DPYD: variants seen among roughly 807,000 people sequenced by gnomAD.
The protein encoded by DPYD is dihydropyrimidine dehydrogenase [NADP(+)].
Under a neutral mutation model 116.2 loss-of-function variants are expected in DPYD, and 109 were observed. The observed-to-expected ratio is 0.94, with a 90% confidence interval of 0.80 to 1.10. The LOEUF is 1.10. Among genes scored for constraint, DPYD ranks in the 50% least tolerant of loss-of-function variants. The probability of loss-of-function intolerance (pLI) is 0.00; values close to 1 mark genes in which losing one functional copy is unlikely to be tolerated. For synonymous variants in DPYD, 440 were observed against 432.0 expected (o/e 1.02, Z -0.23); for missense variants, 1,302 against 1,254.5 (o/e 1.04, Z -0.57).
chr1:97,269,696 A>AG (rs1664452325), intron 18 of DPYD, among the ~76,000 whole-genome samples: 1 of 152,118 alleles, frequency 6.6e-6, no homozygotes, highest in Non-Finnish European at 1.5e-5. Context: ...CACATGGTAG[A>AG]GAGAGAGCTC....
At chr1:97,470,391 G>C in intron 13 of DPYD, among the ~76,000 whole-genome samples, 1 of 151,784 alleles carries the variant, frequency 6.6e-6, no homozygotes, top group East Asian at 1.9e-4. Context: ...GTTTGGATAA[G>C]GTAAAATAAA....
chr1:97,128,546 C>A (rs1290743155), intron 20 of DPYD, among the ~76,000 whole-genome samples: 2 of 152,162 alleles, frequency 1.3e-5, no homozygotes, highest in Non-Finnish European at 2.9e-5. Context: ...TAAAACTTTA[C>A]AGCCCTTTTC....
At position 97,614,988 on chromosome 1, in the gene DPYD, T is replaced by G. The variant is rs369103309; in HGVS notation, c.851-19822A>C. Among the ~76,000 whole-genome samples the G allele has an allele frequency of 2.0e-5, 3 of 152,230 alleles. No individual in the cohort carries two copies. In the South Asian group the frequency reaches 6.2e-4, roughly 32 times the overall value. On this transcript the variant is annotated intron_variant, in intron 8 of 22. Coordinates refer to ENST00000370192, the MANE Select transcript of DPYD (RefSeq NM_000110.4). ...TTTTAAAATCCAGGGCAATATCTAG[T>G]TTTTCATATATGCCTAAAAGATCTA...
chr1:97,256,280 T>C (rs1663456972), intron 18 of DPYD, among the ~76,000 whole-genome samples: 1 of 152,130 alleles, frequency 6.6e-6, no homozygotes, highest in South Asian at 2.1e-4. Context: ...CAAGCTTCTC[T>C]CTCCCTCCCT....
chr1:97,534,961 A>G lies in DPYD; in HGVS notation c.1524+14599T>C, dbSNP rs528577984. Among the ~76,000 whole-genome samples, 58 of 152,250 alleles carry G rather than the reference A, an allele frequency of 3.8e-4. 3 individuals carry two copies. Among genetic ancestry groups the G allele is most frequent in the African/African-American group, 1.4e-3 (57 of 41,576 alleles). On this transcript the variant is annotated intron_variant, in intron 12 of 22. Coordinates refer to ENST00000370192, the MANE Select transcript of DPYD (RefSeq NM_000110.4). ...ATGAATGAAAATGATGAGGTTCAAG[A>G]TAACGTATTGGAGATTTTAAAAGTT...
intron 19 of DPYD, among the ~76,000 whole-genome samples, chr1:97,207,106 C>A (rs1659694061): frequency 6.6e-6 from 1 of 151,994 alleles, no homozygotes. Flanking sequence ...CTTTGCCTGG[C>A]ATATGACTTA....
intron 13 of DPYD, among the ~76,000 whole-genome samples, chr1:97,460,823 G>A (rs55935102): frequency 9.3e-4 from 141 of 152,160 alleles, no homozygotes; most frequent in Non-Finnish European, 1.6e-3. Flanking sequence ...CGGATCACCC[G>A]AGGTCGGGAG....
At chr1:97,406,289 T>A (rs201629458) in intron 14 of DPYD, among the ~76,000 whole-genome samples, 12,269 of 143,902 alleles carry the variant, frequency 0.085, 702 homozygotes, top group East Asian at 0.23. Context: ...TTTTTTTTTT[T>A]AAAATTATTA....
rs1038054519 is a variant in DPYD at position 97,120,015 on chromosome 1, A to T, written c.2623-21383T>A. ...GATGGTCAGTGCCTGCCCTCTGCAG[A>T]GGGAGAGGCAGGGTTGGCTCCAAGT... On this transcript the variant is annotated intron_variant, in intron 20 of 22. Coordinates refer to ENST00000370192, the MANE Select transcript of DPYD (RefSeq NM_000110.4). Among the ~76,000 whole-genome samples, 2 of 152,152 alleles carry T rather than the reference A, an allele frequency of 1.3e-5. 1 individual carries two copies. The highest frequency in any genetic ancestry group is 4.1e-4 in the South Asian group (2 of 4,830).
intron 8 of DPYD, among the ~76,000 whole-genome samples, chr1:97,600,226 G>C (rs768986540): frequency 1.3e-5 from 2 of 152,116 alleles, no homozygotes; most frequent in Non-Finnish European, 2.9e-5. Flanking sequence ...AAATGTAGCT[G>C]ATGGCAAATA....
intron 14 of DPYD, among the ~76,000 whole-genome samples, chr1:97,445,096 C>T (rs960760240): frequency 6.6e-6 from 1 of 152,140 alleles, no homozygotes. Flanking sequence ...AAGCACTGGC[C>T]TCAAGATAAG....
chr1:97,774,977 T>C, intron 3 of DPYD: 1 of 326,898 alleles, frequency 3.1e-6, no homozygotes, highest in Non-Finnish European at 6.5e-6. Context: ...CAAACTGGAG[T>C]AGGGACAAAA....
chr1:97,590,092 C>A (rs1654399237), intron 10 of DPYD, among the ~76,000 whole-genome samples: 2 of 152,110 alleles, frequency 1.3e-5, no homozygotes, highest in African/African-American at 2.4e-5. Context: ...TGAGTGTTAG[C>A]ACTGCAATAT....
chr1:97,573,480 T>C (rs1653047855), intron 11 of DPYD, among the ~76,000 whole-genome samples: 1 of 152,102 alleles, frequency 6.6e-6, no homozygotes, highest in African/African-American at 2.4e-5. Context: ...CATTCTTCTA[T>C]AAGAAACAAG....
At chr1:97,518,017 A>T (rs1648355895) in intron 12 of DPYD, among the ~76,000 whole-genome samples, 1 of 152,162 alleles carries the variant, frequency 6.6e-6, no homozygotes. Flanking sequence ...TTCAACTTGC[A>T]TTGCTTAATT....
At chr1:97,423,552 A>G (rs1426733424) in intron 14 of DPYD, among the ~76,000 whole-genome samples, 5 of 152,118 alleles carry the variant, frequency 3.3e-5, no homozygotes, top group African/African-American at 7.2e-5. Flanking sequence ...GACCCGAATG[A>G]GTTAATGCAT....
At chr1:97,183,653 G>T (rs6656660) in intron 20 of DPYD, among the ~76,000 whole-genome samples, 31,276 of 152,008 alleles carry the variant, frequency 0.21, 4,119 homozygotes, top group African/African-American at 0.37. Flanking sequence ...AACACATGTT[G>T]GGAGTTTGAT....
chr1:97,643,177 T>TGGCA, intron 8 of DPYD, among the ~76,000 whole-genome samples: 1 of 152,092 alleles, frequency 6.6e-6, no homozygotes, highest in South Asian at 2.1e-4. Flanking sequence ...TTTTTTGTAA[T>TGGCA]CTATCCATCT....
chr1:97,257,956 T>C (rs886767228), intron 18 of DPYD, among the ~76,000 whole-genome samples: 46 of 152,110 alleles, frequency 3.0e-4, no homozygotes, highest in Non-Finnish European at 7.4e-5. Flanking sequence ...AGTTGGGTCA[T>C]CTTTACTTGA....
Sources: gnomAD v4.1 joint callset for allele counts (sites outside exome capture counted in the v4.1 genomes callset) on GRCh38, gnomAD v4.1.1 for gene constraint, MANE v1.5 for transcripts, NCBI Gene and HGNC (gene_info 2026-07-23, HGNC 2026-07-21) for gene names.